CSMD1: variants seen among roughly 807,000 people sequenced by gnomAD.
CSMD1 encodes the protein CUB and sushi domain-containing protein 1.
Under a neutral mutation model 417.5 loss-of-function variants are expected in CSMD1, and 213 were observed. The observed-to-expected ratio is 0.51, with a 90% confidence interval of 0.46 to 0.57. CSMD1 has a LOEUF of 0.57. Ranked by LOEUF, CSMD1 falls within the 20% of genes least tolerant of loss-of-function variation. The probability of loss-of-function intolerance (pLI) is 0.00; values close to 1 mark genes in which losing one functional copy is unlikely to be tolerated. For missense variants in CSMD1, 6,923 were observed against 4,529.7 expected (o/e 1.53, Z -15.17); for synonymous variants, 2,862 against 1,736.8 (o/e 1.65, Z -16.11).
intron 2 of CSMD1, among the ~76,000 whole-genome samples, chr8:4,492,236 T>A (rs1009567237): frequency 6.6e-6 from 1 of 152,146 alleles, no homozygotes; most frequent in Non-Finnish European, 1.5e-5. Flanking sequence ...ACTACAGGCA[T>A]ATGTGAGCAT....
At chr8:3,482,366 G>T (rs977932258) in intron 11 of CSMD1, among the ~76,000 whole-genome samples, 1 of 152,106 alleles carries the variant, frequency 6.6e-6, no homozygotes, top group Non-Finnish European at 1.5e-5. Context: ...AAAAGCAGGA[G>T]TGCCTATGTT....
intron 3 of CSMD1, among the ~76,000 whole-genome samples, chr8:4,409,509 C>T (rs539562662): frequency 6.6e-6 from 1 of 152,122 alleles, no homozygotes; most frequent in African/African-American, 2.4e-5. Flanking sequence ...AAAAATGTAA[C>T]CCTAACCAAA....
In CSMD1 at chr8:3,855,354, T is replaced by C. The variant is rs181291702; in HGVS notation, c.819-101312A>G. On this transcript the variant is annotated intron_variant, in intron 5 of 69. Transcript: ENST00000635120. ...TCCAGAAGGAAATACACTCACATCC[T>C]AATTTTAATTTGCTAGTCTGAACAA... Among the ~76,000 whole-genome samples, 559 of 152,292 alleles carry C rather than the reference T, an allele frequency of 3.7e-3. 3 individuals carry two copies. The highest frequency in any genetic ancestry group is 7.3e-3 in the African/African-American group (305 of 41,582).
At chr8:4,410,580 G>C (rs1585032866) in intron 3 of CSMD1, among the ~76,000 whole-genome samples, 1 of 152,086 alleles carries the variant, frequency 6.6e-6, no homozygotes, top group Admixed American at 6.5e-5. Flanking sequence ...TTTAAATAAT[G>C]ACCAATTTTT....
At chr8:4,756,615 T>A (rs531240920) in intron 1 of CSMD1, among the ~76,000 whole-genome samples, 1 of 152,324 alleles carries the variant, frequency 6.6e-6, no homozygotes, top group South Asian at 2.1e-4. Context: ...TCACTTTGGC[T>A]CACTAATTGT....
Position 4,657,420 on chromosome 8 carries a change from C to T in CSMD1, c.86-19862G>A, listed in dbSNP as rs186280532. On this transcript the variant is annotated intron_variant, in intron 1 of 69. Transcript: ENST00000635120. ...CTTATTCATGTCCATTCCCTTCCCT[C>T]TCTGTCTCTCTTTCTCACTCACGCA... Among the ~76,000 whole-genome samples the T allele has an allele frequency of 7.1e-4, 108 of 152,292 alleles. 1 individual carries two copies. The highest frequency in any genetic ancestry group is 2.2e-3 in the Admixed American group (33 of 15,292).
intron 6 of CSMD1, among the ~76,000 whole-genome samples, chr8:3,721,195 G>A (rs1350321901): frequency 6.6e-6 from 1 of 152,108 alleles, no homozygotes; most frequent in Non-Finnish European, 1.5e-5. Flanking sequence ...GCCTCTGCGT[G>A]ATTTTCAAAG....
chr8:4,354,868 G>T (rs1243821391), intron 3 of CSMD1, among the ~76,000 whole-genome samples: 1 of 102,302 alleles, frequency 9.8e-6, no homozygotes, highest in Non-Finnish European at 1.8e-5. Flanking sequence ...AAAATGTAGT[G>T]TGTGTGTGTG....
At chr8:4,198,697 T>G (rs527997369) in intron 3 of CSMD1, among the ~76,000 whole-genome samples, 1 of 152,288 alleles carries the variant, frequency 6.6e-6, no homozygotes, top group East Asian at 1.9e-4. Context: ...AAGGACTACA[T>G]GGATACTAAG....
At chr8:4,696,604 G>C (rs905326154) in intron 1 of CSMD1, among the ~76,000 whole-genome samples, 3 of 152,132 alleles carry the variant, frequency 2.0e-5, no homozygotes, top group Non-Finnish European at 4.4e-5. Context: ...GTATTACCCA[G>C]ATTTATTATC....
intron 25 of CSMD1, among the ~76,000 whole-genome samples, chr8:3,302,169 G>C (rs1467242538): frequency 6.6e-6 from 1 of 152,156 alleles, no homozygotes; most frequent in Non-Finnish European, 1.5e-5. Context: ...ATGATGAAAT[G>C]TGAGGAGTTG....
intron 3 of CSMD1, among the ~76,000 whole-genome samples, chr8:4,127,459 A>G (rs1802832971): frequency 9.6e-5 from 1 of 10,386 alleles, no homozygotes; most frequent in African/African-American, 2.1e-4. Context: ...TAATGAAAAA[A>G]AAAAAAAAAA....
intron 49 of CSMD1, among the ~76,000 whole-genome samples, chr8:3,084,853 T>C (rs1814407759): frequency 6.6e-6 from 1 of 151,968 alleles, no homozygotes; most frequent in African/African-American, 2.4e-5. Flanking sequence ...GATTTAATTG[T>C]ACCACACAAC....
At chr8:4,002,084 T>G (rs1036074980) in intron 4 of CSMD1, among the ~76,000 whole-genome samples, 1 of 152,184 alleles carries the variant, frequency 6.6e-6, no homozygotes, top group Non-Finnish European at 1.5e-5. Context: ...TCTGATTGAT[T>G]AATTGAATAT....
intron 25 of CSMD1, among the ~76,000 whole-genome samples, chr8:3,286,440 C>G (rs989748540): frequency 2.0e-5 from 3 of 152,164 alleles, no homozygotes; most frequent in South Asian, 2.1e-4. Context: ...TACAGTCCCA[C>G]CAAGAGTGTG....
chr8:4,084,998 G>C (rs563577848), intron 3 of CSMD1, among the ~76,000 whole-genome samples: 1 of 150,370 alleles, frequency 6.7e-6, no homozygotes, highest in Non-Finnish European at 1.5e-5. Context: ...GCGCGTGACA[G>C]GGAATTTAGA....
At chr8:3,596,300 G>T (rs1474528733) in intron 8 of CSMD1, among the ~76,000 whole-genome samples, 5 of 152,128 alleles carry the variant, frequency 3.3e-5, no homozygotes, top group Admixed American at 6.5e-5. Flanking sequence ...TTTACTTCAT[G>T]AACATGCCCA....
intron 5 of CSMD1, among the ~76,000 whole-genome samples, chr8:3,794,563 G>A (rs1405178576): frequency 2.0e-5 from 3 of 151,922 alleles, no homozygotes; most frequent in African/African-American, 7.3e-5. Flanking sequence ...TGCCATCAAA[G>A]TGCTAGTAAC....
intron 3 of CSMD1, among the ~76,000 whole-genome samples, chr8:4,389,165 A>G (rs1803673359): frequency 6.6e-6 from 1 of 152,232 alleles, no homozygotes; most frequent in South Asian, 2.1e-4. Flanking sequence ...AATTTAAAAC[A>G]CAAAATAACA....
Sources: gnomAD v4.1 joint callset for allele counts (sites outside exome capture counted in the v4.1 genomes callset) on GRCh38, gnomAD v4.1.1 for gene constraint, MANE v1.5 for transcripts, NCBI Gene and HGNC (gene_info 2026-07-23, HGNC 2026-07-21) for gene names.